Variants in RERE observed in about 807,000 individuals in gnomAD.
The protein encoded by RERE is arginine-glutamic acid dipeptide repeats.
In RERE, 40 loss-of-function variants were observed where a neutral mutation model predicts 146.1. The observed-to-expected ratio is 0.27, with a 90% confidence interval of 0.21 to 0.36. The LOEUF (loss-of-function observed/expected upper bound fraction) is 0.36. Ranked by LOEUF, RERE falls within the 10% of genes least tolerant of loss-of-function variation. The pLI, the probability that RERE is intolerant of heterozygous loss-of-function variation, is 1.00. For synonymous variants in RERE, 1,003 were observed against 866.0 expected, an observed-to-expected ratio of 1.16 and a Z score of -2.78; for missense variants, 1,933 against 2,138.7, an observed-to-expected ratio of 0.90 and a Z score of 1.90.
chr1:8,682,046 G>C (rs758682047), intron 1 of RERE, among the ~76,000 whole-genome samples: 1 of 152,046 alleles, frequency 6.6e-6, no homozygotes, highest in Admixed American at 6.6e-5. Context: ...GGCTTATTTT[G>C]ATCATAATCT....
chr1:8,379,587 C>A (rs913184556), intron 12 of RERE, among the ~76,000 whole-genome samples: 3 of 152,204 alleles, frequency 2.0e-5, no homozygotes, highest in African/African-American at 7.2e-5. Context: ...TGGTCCATAT[C>A]TAGGTCTCCT....
rs147492891 is a variant in RERE at position 8,615,785 on chromosome 1, GACACAC to G, written c.397-1105_397-1100del. 3.3e-5 allele frequency among the ~76,000 whole-genome samples: 5 copies of G among 150,410 alleles called. 1 individual carries two copies. Among genetic ancestry groups the G allele is most frequent in the Non-Finnish European group, 7.4e-5 (5 of 67,452 alleles). On this transcript the variant is annotated intron_variant, in intron 3 of 22. Transcript: ENST00000400908. ...AAGTCTCTTAAGCTCCCTACACATAGACACACACACACACACACAAAACAAAACAAA... is the reference window on the plus strand; with the variant it reads ...AAGTCTCTTAAGCTCCCTACACATAGACACACACACACAAAACAAAACAAA...
At chr1:8,774,023 C>T (rs527484600) in intron 1 of RERE, among the ~76,000 whole-genome samples, 4 of 152,310 alleles carry the variant, frequency 2.6e-5, no homozygotes, top group African/African-American at 9.6e-5. Context: ...AGGATCCTAT[C>T]ATAATCCAGG....
chr1:8,770,551 T>C (rs530528661), intron 1 of RERE, among the ~76,000 whole-genome samples: 1 of 152,322 alleles, frequency 6.6e-6, no homozygotes, highest in African/African-American at 2.4e-5. Flanking sequence ...CTCAGTTTCC[T>C]CATCTGCGAA....
chr1:8,691,118 G>A (rs907987449), intron 1 of RERE, among the ~76,000 whole-genome samples: 6 of 152,012 alleles, frequency 3.9e-5, no homozygotes, highest in South Asian at 4.1e-4. Flanking sequence ...GGATGGTCTC[G>A]ATCTCTTGAC....
At chr1:8,516,230 A>AAG (rs1311690892) in intron 7 of RERE, among the ~76,000 whole-genome samples, 1 of 145,726 alleles carries the variant, frequency 6.9e-6, no homozygotes, top group African/African-American at 2.6e-5. Context: ...CTCAGAGGAA[A>AAG]AAAAAAAAAA....
chr1:8,758,274 G>A (rs1640685165), intron 1 of RERE, among the ~76,000 whole-genome samples: 1 of 151,782 alleles, frequency 6.6e-6, no homozygotes, highest in African/African-American at 2.4e-5. Context: ...TTTAGTAGAG[G>A]TGTTTCACCA....
chr1:8,795,066 C>T (rs1289036625), intron 1 of RERE, among the ~76,000 whole-genome samples: 2 of 152,120 alleles, frequency 1.3e-5, no homozygotes, highest in Admixed American at 6.6e-5. Flanking sequence ...CTTGCTCTGT[C>T]GCTCAGGCTG....
At chr1:8,435,401 G>A (rs1340156015) in intron 11 of RERE, among the ~76,000 whole-genome samples, 1 of 152,192 alleles carries the variant, frequency 6.6e-6, no homozygotes, top group Non-Finnish European at 1.5e-5. Flanking sequence ...AGATGATTGG[G>A]CTTAGTGTTC....
At chr1:8,792,819 T>C (rs1641386485) in intron 1 of RERE, among the ~76,000 whole-genome samples, 1 of 152,034 alleles carries the variant, frequency 6.6e-6, no homozygotes, top group Non-Finnish European at 1.5e-5. Context: ...TTCTCAATAT[T>C]AGGAAGGTTT....
At chr1:8,801,156 G>A (rs142918086) in intron 1 of RERE, among the ~76,000 whole-genome samples, 2 of 151,402 alleles carry the variant, frequency 1.3e-5, no homozygotes, top group Non-Finnish European at 2.9e-5. Flanking sequence ...CTACTGGAGG[G>A]GGTTGAGATG....
At position 8,360,626 on chromosome 1, in the gene RERE, C is replaced by A; in HGVS notation, c.2881G>T (p.Ala961Ser). 1 of 1,510,884 alleles carries A rather than the reference C, an allele frequency of 6.6e-7. No homozygotes were observed. The allele number at this position is 1,510,884 out of a possible 1,614,324, so 93.6% of individuals were successfully genotyped here. A position where few individuals can be genotyped will look rare whatever the true frequency, so the allele number is the denominator to read the frequency against. Residue 961 changes from alanine (A) to serine (S), a missense_variant, in exon 18 of 23, where the codon GCC (alanine) becomes TCC (serine). Physicochemically the swap from Ala to Ser is moderately conservative, Grantham distance 99 (BLOSUM62 1). Transcript: ENST00000400908. ...LSGPSPFSMN[A>S]NLPPPPALKP... ...AGGGCTGGAGGGGGAGGCAGGTTGG[C>A]ATTCATGGAGAAGGGTGAGGGCCCC... is the stretch of plus-strand genomic sequence containing the variant.
intron 12 of RERE, among the ~76,000 whole-genome samples, chr1:8,411,589 CA>C (rs1460386101): frequency 6.6e-6 from 1 of 152,094 alleles, no homozygotes; most frequent in Non-Finnish European, 1.5e-5. Flanking sequence ...CCTTTCAGGT[CA>C]ACCCATCTAC....
In RERE at chr1:8,624,291, GCA is replaced by G; in HGVS notation, c.396+17_396+18del. Reference sequence around the variant, plus strand: ...GAGAGAATACAGAGCAGAGTGAACAGCACATTAAAAACGCTTACCAGTTTGAA... The same window carrying G: ...GAGAGAATACAGAGCAGAGTGAACAGCATTAAAAACGCTTACCAGTTTGAA... On this transcript the variant is annotated intron_variant, in intron 3 of 22. Transcript: ENST00000400908. 4 of 1,574,486 alleles carry G rather than the reference GCA, an allele frequency of 2.5e-6. No individual in the cohort carries two copies. The highest frequency in any genetic ancestry group is 3.5e-6 in the Non-Finnish European group (4 of 1,145,826).
At chr1:8,507,826 G>A (rs1459754673) in intron 8 of RERE, among the ~76,000 whole-genome samples, 3 of 123,198 alleles carry the variant, frequency 2.4e-5, no homozygotes, top group African/African-American at 6.3e-5. Context: ...TGCAACCTCC[G>A]CCTCCGGGGT....
intron 1 of RERE, among the ~76,000 whole-genome samples, chr1:8,742,087 A>G (rs1490102959): frequency 6.6e-6 from 1 of 152,232 alleles, no homozygotes; most frequent in Non-Finnish European, 1.5e-5. Flanking sequence ...CCAGTGTAGT[A>G]TGTATATATC....
chr1:8,808,357 C>G (rs1276188341), intron 1 of RERE, among the ~76,000 whole-genome samples: 2 of 152,118 alleles, frequency 1.3e-5, no homozygotes, highest in Non-Finnish European at 2.9e-5. Flanking sequence ...ATCTAGAGTT[C>G]ACCCATTGTC....
intron 8 of RERE, among the ~76,000 whole-genome samples, chr1:8,504,684 T>C (rs1311116497): frequency 6.6e-6 from 1 of 152,076 alleles, no homozygotes; most frequent in Non-Finnish European, 1.5e-5. Context: ...AAACCCCGTC[T>C]CTACTAAAAA....
Position 8,360,640 on chromosome 1 carries a change from G to A in RERE, c.2867C>T (p.Pro956Leu). The A allele has an allele frequency of 5.9e-6, 9 of 1,523,058 alleles. No homozygotes were observed. Among genetic ancestry groups the A allele is most frequent in the Non-Finnish European group, 7.0e-6 (8 of 1,137,542 alleles). 94.3% of individuals were successfully genotyped at this position (1,523,058 alleles called of 1,614,324 possible). The part of the protein sequence containing the change: ...KHPPHLSGPS[P>L]FSMNANLPPP... Reference sequence around the variant, plus strand: ...AGGCAGGTTGGCATTCATGGAGAAGGGTGAGGGCCCCGAGAGGTGGGGAGG... The same window carrying A: ...AGGCAGGTTGGCATTCATGGAGAAGAGTGAGGGCCCCGAGAGGTGGGGAGG... Residue 956 changes from proline to leucine, a missense_variant, in exon 18 of 23, where the codon CCC becomes CTC. This residue lies in a region of RERE where 1,255 missense variants were observed against 1,153.8 expected (regional missense o/e 1.09). Transcript: ENST00000400908.
Sources: allele counts gnomAD v4.1 joint callset (sites outside exome capture counted in the v4.1 genomes callset), GRCh38; gene constraint gnomAD v4.1.1; regional missense constraint gnomAD v4.1.1; transcripts MANE v1.5; gene names NCBI Gene and HGNC (gene_info 2026-07-23, HGNC 2026-07-21).